Variants in ASTL observed in about 807,000 individuals in gnomAD.
The protein encoded by ASTL is astacin-like metalloendopeptidase.
Under a neutral mutation model 36.7 loss-of-function variants are expected in ASTL, and 27 were observed. That is an observed-to-expected ratio of 0.73 (90% CI 0.54 to 1.01). ASTL has a LOEUF of 1.01. ASTL is among the 50% of genes least tolerant of loss of function. ASTL has a pLI of 0.00. For missense variants in ASTL, 524 were observed against 572.8 expected (o/e 0.91, Z 0.87); for synonymous variants, 222 against 228.1 (o/e 0.97, Z 0.24).
intron 2 of ASTL, among the ~76,000 whole-genome samples, chr2:96,137,126 A>C (rs1384798646): frequency 6.6e-6 from 1 of 152,140 alleles, no homozygotes; most frequent in Non-Finnish European, 1.5e-5. Context: ...TACAGGCGAG[A>C]GCCACCGCAC....
chr2:96,129,891 G>A lies in ASTL; in HGVS notation c.807C>T (p.Ala269=). ...VHIGQRWNLS[A]SDITRVLKLY... ...GTTTGAGGACCCGGGTGATGTCCGA[G>A]GCACTCAGGTTCCATCGCTGGCCGA... Residue 269 remains alanine (A), a synonymous_variant, in exon 8 of 9, where the codon GCC becomes GCT. Coordinates refer to ENST00000342380, the MANE Select transcript of ASTL (RefSeq NM_001002036.4). The A allele has an allele frequency of 6.2e-7, 1 of 1,604,646 alleles. No individual in the cohort carries two copies. Among genetic ancestry groups the A allele is most frequent in the East Asian group, 2.2e-5 (1 of 44,634 alleles).
intron 3 of ASTL, among the ~76,000 whole-genome samples, chr2:96,134,892 C>T (rs1051299014): frequency 1.3e-5 from 2 of 152,252 alleles, no homozygotes; most frequent in African/African-American, 4.8e-5. Flanking sequence ...CAACCTTCTC[C>T]CTTCAGATGC....
chr2:96,134,003 C>T lies in ASTL; in HGVS notation c.299G>A (p.Gly100Asp), dbSNP rs1442745387. The change falls in exon 4 of 9, where the codon GGT becomes GAT. Residue 100 changes from glycine (G) to aspartate (D), a missense_variant. Coordinates refer to ENST00000342380, the MANE Select transcript of ASTL (RefSeq NM_001002036.4). ...GAGCAGGAAGGGGACCTCCACGACA[C>T]CACTACCACCCATGGGCCATTTGTT... ...TSNKWPMGGS[G>D]VVEVPFLLSS... is the part of the protein sequence containing the mutation. The T allele has an allele frequency of 1.1e-5, 17 of 1,614,002 alleles. No individual in the cohort carries two copies. Among genetic ancestry groups the T allele is most frequent in the Non-Finnish European group, 1.4e-5 (17 of 1,179,894 alleles).
At chr2:96,131,290 T>C (rs190581444) in intron 6 of ASTL, among the ~76,000 whole-genome samples, 23 of 150,402 alleles carry the variant, frequency 1.5e-4, no homozygotes, top group South Asian at 1.5e-3. Flanking sequence ...TCTTTCATGA[T>C]TTTTTTTTAG....
intron 2 of ASTL, among the ~76,000 whole-genome samples, chr2:96,136,357 G>T (rs955630749): frequency 3.9e-5 from 6 of 152,268 alleles, no homozygotes; most frequent in African/African-American, 1.4e-4. Context: ...GCCAGTTTTG[G>T]GAGGCAGACA....
At chr2:96,127,074 C>T (rs1405791316) in intron 8 of ASTL, among the ~76,000 whole-genome samples, 2 of 152,166 alleles carry the variant, frequency 1.3e-5, no homozygotes, top group Non-Finnish European at 2.9e-5. Flanking sequence ...TGTTATTCAG[C>T]GATGTTATTG....
chr2:96,130,699 TC>T (rs1328072804), intron 6 of ASTL, among the ~76,000 whole-genome samples: 9 of 151,908 alleles, frequency 5.9e-5, no homozygotes, highest in Non-Finnish European at 1.0e-4. Flanking sequence ...CCCCCAATCC[TC>T]CCAAATCCAG....
intron 1 of ASTL, 38 bp downstream of exon 1, chr2:96,138,344 C>G: frequency 6.3e-7 from 1 of 1,581,342 alleles, no homozygotes; most frequent in Non-Finnish European, 8.6e-7. Context: ...TTTCTCCAGG[C>G]TGGAGCCAGC....
At position 96,132,405 on chromosome 2, in the gene ASTL, C is replaced by G. The variant is rs1682198490; in HGVS notation, c.637+135G>C. The stretch of plus-strand genomic sequence containing the variant: ...ACCAGGTACCAGACAGAAGTGAGAC[C>G]CCCACCTTCCCCACAGGAAGCAGGC... On this transcript the variant is annotated intron_variant, in intron 6 of 8. Coordinates refer to ENST00000342380, the MANE Select transcript of ASTL (RefSeq NM_001002036.4). The surrounding 1 kb of genome is among the most constrained non-coding windows in gnomAD (Gnocchi z 5.4). The G allele has an allele frequency of 2.5e-5, 20 of 784,700 alleles. No homozygotes were observed. The South Asian group carries it at 4.0e-4, about 16-fold the overall frequency. The allele number at this position is 784,700 out of a possible 1,614,324, so 48.6% of individuals were successfully genotyped here.
Position 96,135,333 on chromosome 2 carries a change from GTCA to G in ASTL, c.243+15_243+17del. 1.2e-6 allele frequency: 2 copies of G among 1,607,244 alleles called. No homozygotes were observed. Among genetic ancestry groups the G allele is most frequent in the Non-Finnish European group, 1.7e-6 (2 of 1,173,770 alleles). On this transcript the variant is annotated intron_variant, in intron 3 of 8. Transcript: ENST00000342380. Reference sequence around the variant, plus strand: ...TGTGGGCTTATCCGCACCCACACACGTCAGTGTGTGCACTCACCGGCCGGATGA... The same window carrying G: ...TGTGGGCTTATCCGCACCCACACACGGTGTGTGCACTCACCGGCCGGATGA...
At chr2:96,137,511 G>C in intron 2 of ASTL, 64 bp downstream of exon 2, 1 of 1,556,100 alleles carries the variant, frequency 6.4e-7, no homozygotes, top group South Asian at 1.1e-5. Flanking sequence ...TGAGTGTTCG[G>C]TGTGGTTTTC....
rs377129165 is a variant in ASTL, at chr2:96,130,005, T to A, written c.720-27A>T. 147 of 1,612,118 alleles carry A rather than the reference T, an allele frequency of 9.1e-5. 2 individuals carry two copies. The South Asian group carries it at 1.1e-3, about 12-fold the overall frequency. On this transcript the variant is annotated intron_variant, in intron 7 of 8. Transcript: ENST00000342380. ...TGGAACCCAGCGGGAGACCCCTGAG[T>A]CCAGATCACCACGGGAGAGGCTGGG... is the stretch of plus-strand genomic sequence containing the variant.
At chr2:96,137,727 C>T (rs994820072) in intron 1 of ASTL, 27 bp from the exon 2 acceptor site, 2 of 1,596,534 alleles carry the variant, frequency 1.3e-6, no homozygotes, top group Non-Finnish European at 1.7e-6. Context: ...GGGGCATACA[C>T]AGATGCCTGG....
intron 8 of ASTL, 35 bp downstream of exon 8, chr2:96,129,789 C>T: frequency 2.6e-6 from 4 of 1,509,686 alleles, no homozygotes; most frequent in Non-Finnish European, 2.7e-6. Context: ...GGCGCCTTCT[C>T]CAGGTTCAAG....
chr2:96,130,486 C>T (rs1401069998), intron 6 of ASTL, among the ~76,000 whole-genome samples: 2 of 152,236 alleles, frequency 1.3e-5, no homozygotes, highest in African/African-American at 4.8e-5. Context: ...TGCTCAGGGT[C>T]TCAGATGTCC....
chr2:96,132,438 G>A lies in ASTL; in HGVS notation c.637+102C>T. 1 of 1,062,556 alleles carries A rather than the reference G, an allele frequency of 9.4e-7. No individual in the cohort carries two copies. Among genetic ancestry groups the A allele is most frequent in the Non-Finnish European group, 1.3e-6 (1 of 745,490 alleles). The allele number at this position is 1,062,556 out of a possible 1,614,324, so 65.8% of individuals were successfully genotyped here. On this transcript the variant is annotated intron_variant, in intron 6 of 8. Transcript: ENST00000342380. The surrounding 1 kb of genome is among the most constrained non-coding windows in gnomAD (Gnocchi z 5.4). ...TCCCCACAGGAAGCAGGCAGGTGATGGGGAGGATGGATAGCCTCACCCATG... is the reference window on the plus strand; with the variant it reads ...TCCCCACAGGAAGCAGGCAGGTGATAGGGAGGATGGATAGCCTCACCCATG...
intron 2 of ASTL, among the ~76,000 whole-genome samples, chr2:96,135,907 C>G (rs1558717907): frequency 6.6e-6 from 1 of 152,212 alleles, no homozygotes; most frequent in South Asian, 2.1e-4. Flanking sequence ...CAGCCTGAGC[C>G]ACACTCCTCA....
At position 96,138,445 on chromosome 2, in the gene ASTL, C is replaced by T; in HGVS notation, c.-9G>A. Reference sequence around the variant, plus strand: ...CCCCCTACACCCTCCATGGTAGAGCCCTGCTGCCCCTTCAGCAAACAAGAC... The same window carrying T: ...CCCCCTACACCCTCCATGGTAGAGCTCTGCTGCCCCTTCAGCAAACAAGAC... On this transcript the variant is annotated 5_prime_UTR_variant, in exon 1 of 9. Coordinates refer to ENST00000342380, the MANE Select transcript of ASTL (RefSeq NM_001002036.4). The T allele has an allele frequency of 6.2e-7, 1 of 1,607,544 alleles. No individual in the cohort carries two copies. Among genetic ancestry groups the T allele is most frequent in the East Asian group, 2.2e-5 (1 of 44,720 alleles).
At chr2:96,135,977 A>G (rs1682291957) in intron 2 of ASTL, among the ~76,000 whole-genome samples, 1 of 152,104 alleles carries the variant, frequency 6.6e-6, no homozygotes, top group Non-Finnish European at 1.5e-5. Context: ...CCCATCTGTT[A>G]TATTCAGGCC....
Sources: allele counts gnomAD v4.1 joint callset (sites outside exome capture counted in the v4.1 genomes callset), GRCh38; gene constraint gnomAD v4.1.1; non-coding constraint Gnocchi (gnomAD v3.1); transcripts MANE v1.5; gene names NCBI Gene and HGNC (gene_info 2026-07-23, HGNC 2026-07-21).